The following SCFD2 variants were observed in gnomAD, a reference collection of about 807,000 sequenced individuals.
SCFD2 encodes the protein sec1 family domain containing 2.
In SCFD2, 54 loss-of-function variants were observed where a neutral mutation model predicts 58.9. That is an observed-to-expected ratio of 0.92 (90% CI 0.74 to 1.15). The LOEUF (loss-of-function observed/expected upper bound fraction) is 1.15, where lower values mean the gene tolerates loss of function less well. SCFD2 is among the 50% of genes most tolerant of loss of function. The pLI, the probability that SCFD2 is intolerant of heterozygous loss-of-function variation, is 0.00. For synonymous variants in SCFD2, 321 were observed against 335.9 expected (o/e 0.96, Z 0.49); for missense variants, 805 against 836.6 (o/e 0.96, Z 0.47).
chr4:53,015,811 C>T (rs1347194943), intron 5 of SCFD2, among the ~76,000 whole-genome samples: 4 of 152,096 alleles, frequency 2.6e-5, no homozygotes, highest in African/African-American at 7.2e-5. Flanking sequence ...CACAACGAGG[C>T]GCTCTGGATT....
chr4:53,340,775 G>A (rs1467210495), intron 2 of SCFD2, among the ~76,000 whole-genome samples: 1 of 152,188 alleles, frequency 6.6e-6, no homozygotes, highest in Non-Finnish European at 1.5e-5. Context: ...CCAGAGGAAA[G>A]ATCAGGCAGC....
intron 5 of SCFD2, chr4:52,958,158 T>C (rs1004173933): frequency 1.3e-5 from 2 of 152,218 alleles, no homozygotes; most frequent in Non-Finnish European, 2.9e-5. Context: ...GTTATTCTTA[T>C]TCCCCAAGGT....
chr4:52,943,771 G>T (rs1254356956), intron 5 of SCFD2, among the ~76,000 whole-genome samples: 2 of 152,096 alleles, frequency 1.3e-5, no homozygotes, highest in Non-Finnish European at 2.9e-5. Flanking sequence ...ATATTAGGCT[G>T]ACATGAGGAG....
At chr4:52,965,496 T>G (rs1260723173) in intron 5 of SCFD2, among the ~76,000 whole-genome samples, 1 of 152,232 alleles carries the variant, frequency 6.6e-6, no homozygotes. Context: ...ATTCTTCTCA[T>G]GTTTATTGGT....
At chr4:53,250,200 A>G (rs145179200) in intron 4 of SCFD2, among the ~76,000 whole-genome samples, 8,629 of 152,302 alleles carry the variant, frequency 0.057, 306 homozygotes, top group Middle Eastern at 0.12. Context: ...AAAAGAGACA[A>G]AGAAGGCCGT....
chr4:53,131,018 T>A (rs1006286508), intron 5 of SCFD2, among the ~76,000 whole-genome samples: 6 of 152,124 alleles, frequency 3.9e-5, no homozygotes, highest in Non-Finnish European at 5.9e-5. Context: ...AAAAACATAT[T>A]AGCAAAATAT....
intron 7 of SCFD2, 81 bp from the exon 8 acceptor site, chr4:52,885,947 C>G: frequency 6.4e-7 from 1 of 1,559,978 alleles, no homozygotes; most frequent in Non-Finnish European, 8.8e-7. Context: ...TTCATTGTCC[C>G]TCTGTAGAAA....
chr4:53,310,670 C>T (rs1306344065), intron 3 of SCFD2, among the ~76,000 whole-genome samples: 1 of 152,174 alleles, frequency 6.6e-6, no homozygotes, highest in South Asian at 2.1e-4. Flanking sequence ...AGAAGGATGA[C>T]ATGTTTATAT....
At chr4:53,005,142 C>T (rs1388873140) in intron 5 of SCFD2, among the ~76,000 whole-genome samples, 1 of 152,186 alleles carries the variant, frequency 6.6e-6, no homozygotes, top group Non-Finnish European at 1.5e-5. Flanking sequence ...AAGTGATCCA[C>T]TCGTCTTTGG....
At chr4:53,287,815 A>C (rs1480128968) in intron 3 of SCFD2, among the ~76,000 whole-genome samples, 2 of 152,380 alleles carry the variant, frequency 1.3e-5, no homozygotes, top group Middle Eastern at 3.4e-3. Flanking sequence ...AAGATAAAAG[A>C]GAATATAAAT....
intron 8 of SCFD2, 69 bp downstream of exon 8, chr4:52,885,678 G>A: frequency 6.3e-7 from 1 of 1,585,926 alleles, no homozygotes; most frequent in Non-Finnish European, 8.6e-7. Flanking sequence ...ACCCATAGGT[G>A]GAGGGCCCTC....
Position 53,273,875 on chromosome 4 carries a change from T to G in SCFD2, c.1262A>C (p.Gln421Pro). 6.2e-7 allele frequency: 1 copy of G among 1,613,866 alleles called. No homozygotes were observed. The highest frequency in any genetic ancestry group is 8.5e-7 in the Non-Finnish European group (1 of 1,179,848). ...CAGAAAGTTGTCCCACTTGGCAGTCTGTGGGTGTTTCAACGTTTGAGCTGT... is the reference window on the plus strand; with the variant it reads ...CAGAAAGTTGTCCCACTTGGCAGTCGGTGGGTGTTTCAACGTTTGAGCTGT... ...LATAQTLKHP[Q>P]TAKWDNFLAF... The change falls in exon 4 of 9, where the codon CAG (glutamine) becomes CCG (proline). Residue 421 changes from glutamine (Q) to proline (P), a missense_variant. This residue lies in a region of SCFD2 where 633 missense variants were observed against 646.8 expected (regional missense o/e 0.98). Transcript: ENST00000401642.
intron 5 of SCFD2, among the ~76,000 whole-genome samples, chr4:52,992,057 C>T (rs953409092): frequency 8.5e-5 from 13 of 152,130 alleles, no homozygotes; most frequent in African/African-American, 2.4e-4. Flanking sequence ...CCTCTCCCCA[C>T]GGTCTCCCTC....
chr4:52,893,365 T>C (rs965876841), intron 7 of SCFD2, among the ~76,000 whole-genome samples: 1 of 152,108 alleles, frequency 6.6e-6, no homozygotes, highest in Non-Finnish European at 1.5e-5. Context: ...TACTGCACCC[T>C]GTCTTGTTTT....
intron 8 of SCFD2, among the ~76,000 whole-genome samples, chr4:52,883,507 T>C (rs1428358416): frequency 6.6e-6 from 1 of 152,214 alleles, no homozygotes. Flanking sequence ...TCTCTGCAGA[T>C]GACTGAGCAC....
intron 3 of SCFD2, among the ~76,000 whole-genome samples, chr4:53,283,438 G>A (rs192830317): frequency 6.6e-6 from 1 of 152,260 alleles, no homozygotes; most frequent in Non-Finnish European, 1.5e-5. Context: ...ATGCCTTTCA[G>A]TGGACATAAT....
chr4:53,116,361 T>C (rs1725319264), intron 5 of SCFD2, among the ~76,000 whole-genome samples: 1 of 152,156 alleles, frequency 6.6e-6, no homozygotes, highest in South Asian at 2.1e-4. Flanking sequence ...TGATACATGC[T>C]TCAATGTTTG....
chr4:52,891,621 C>T (rs1207545478), intron 7 of SCFD2, among the ~76,000 whole-genome samples: 1 of 152,264 alleles, frequency 6.6e-6, no homozygotes, highest in Non-Finnish European at 1.5e-5. Flanking sequence ...CTTTTCCCAA[C>T]AAATTCTTCA....
chr4:53,278,833 C>T (rs1477062233), intron 3 of SCFD2, among the ~76,000 whole-genome samples: 1 of 150,420 alleles, frequency 6.6e-6, no homozygotes, highest in Non-Finnish European at 1.5e-5. Context: ...CCTAAAAATC[C>T]CTAAGAGGCT....
Sources: gnomAD v4.1 joint callset for allele counts (sites outside exome capture counted in the v4.1 genomes callset) on GRCh38, gnomAD v4.1.1 for gene constraint, gnomAD v4.1.1 regional missense constraint, MANE v1.5 for transcripts, NCBI Gene and HGNC (gene_info 2026-07-23, HGNC 2026-07-21) for gene names.